PRKAG2: variants seen among roughly 807,000 people sequenced by gnomAD.
PRKAG2 encodes protein kinase AMP-activated non-catalytic subunit gamma 2, also known as 5'-AMP-activated protein kinase subunit gamma-2.
PRKAG2 carries 26 observed loss-of-function variants against 69.6 expected under a neutral mutation model. That is an observed-to-expected ratio of 0.37 (90% confidence interval 0.27 to 0.52). The LOEUF (loss-of-function observed/expected upper bound fraction) is 0.52. Ranked by LOEUF, PRKAG2 falls within the 20% of genes least tolerant of loss-of-function variation. The pLI, the probability that PRKAG2 is intolerant of heterozygous loss-of-function variation, is 0.90. For synonymous variants in PRKAG2, 293 were observed against 285.0 expected, an observed-to-expected ratio of 1.03 and a Z score of -0.28; for missense variants, 557 against 740.0, an observed-to-expected ratio of 0.75 and a Z score of 2.87.
At position 151,865,968 on chromosome 7, in the gene PRKAG2, G is replaced by C. The variant is rs185787606; in HGVS notation, c.114+10539C>G. ...CTGGGAGGCGGAGCTTGCAGTGAGC[G>C]GAGATCGCACCACTGCACTCCAGCT... On this transcript the variant is annotated intron_variant, in intron 1 of 15. Coordinates refer to ENST00000287878, the MANE Select transcript of PRKAG2 (RefSeq NM_016203.4). Among the ~76,000 whole-genome samples the C allele has an allele frequency of 5.3e-3, 800 of 150,888 alleles. 10 individuals carry two copies. The highest frequency in any genetic ancestry group is 0.017 in the African/African-American group (693 of 41,068).
At chr7:151,728,469 G>T (rs1464586182) in intron 3 of PRKAG2, among the ~76,000 whole-genome samples, 1 of 152,106 alleles carries the variant, frequency 6.6e-6, no homozygotes, top group Non-Finnish European at 1.5e-5. Flanking sequence ...AGCAGCAGGG[G>T]CTGGCCAGCA....
At chr7:151,733,835 A>G (rs1563551123) in intron 3 of PRKAG2, among the ~76,000 whole-genome samples, 3 of 152,076 alleles carry the variant, frequency 2.0e-5, no homozygotes, top group African/African-American at 4.8e-5. Flanking sequence ...AGCTGGGACC[A>G]TGGGTGTGCA....
At position 151,673,804 on chromosome 7, in the gene PRKAG2, T is replaced by C. The variant is rs140146193; in HGVS notation, c.684+1616A>G. On this transcript the variant is annotated intron_variant, in intron 4 of 15. Transcript: ENST00000287878. ...TGTAGATATAATCAGGTTAAGATGA[T>C]AGGGGTGGGCCCTCATCCAATGTAG... Among the ~76,000 whole-genome samples the C allele has an allele frequency of 5.7e-4, 86 of 151,524 alleles. 2 individuals are homozygous for C. In the East Asian group the frequency reaches 0.014, roughly 25 times the overall value.
At chr7:151,580,714 T>C (rs1270982756) in intron 6 of PRKAG2, among the ~76,000 whole-genome samples, 1 of 151,310 alleles carries the variant, frequency 6.6e-6, no homozygotes, top group African/African-American at 2.4e-5. Context: ...CATGTTCTCA[T>C]CCATTTGTGG....
At chr7:151,707,913 G>A (rs1278249867) in intron 3 of PRKAG2, among the ~76,000 whole-genome samples, 2 of 152,218 alleles carry the variant, frequency 1.3e-5, no homozygotes, top group East Asian at 1.9e-4. Context: ...GCCCAATAGC[G>A]AACATGGTGG....
intron 1 of PRKAG2, among the ~76,000 whole-genome samples, chr7:151,794,488 G>A (rs62478218): frequency 0.019 from 2,917 of 152,360 alleles, 60 homozygotes; most frequent in African/African-American, 0.052. Context: ...CCCTTCCCGC[G>A]GTGTGAGCCC....
At chr7:151,664,626 G>A (rs938570734) in intron 4 of PRKAG2, among the ~76,000 whole-genome samples, 1 of 152,192 alleles carries the variant, frequency 6.6e-6, no homozygotes, top group African/African-American at 2.4e-5. Context: ...TGGTTTCTTA[G>A]ACAAGAAATA....
At chr7:151,611,781 C>T (rs1424396386) in intron 5 of PRKAG2, among the ~76,000 whole-genome samples, 2 of 152,258 alleles carry the variant, frequency 1.3e-5, no homozygotes, top group African/African-American at 2.4e-5. Flanking sequence ...GGGCCGGGCA[C>T]GGTGGCCCAT....
At chr7:151,813,279 G>A (rs2078515481) in intron 1 of PRKAG2, among the ~76,000 whole-genome samples, 1 of 152,146 alleles carries the variant, frequency 6.6e-6, no homozygotes, top group African/African-American at 2.4e-5. Context: ...CGCCATCAAC[G>A]CTGGATTCCC....
chr7:151,713,391 A>G (rs1004891898), intron 3 of PRKAG2, among the ~76,000 whole-genome samples: 1 of 152,156 alleles, frequency 6.6e-6, no homozygotes, highest in Non-Finnish European at 1.5e-5. Flanking sequence ...GCTGTGAATC[A>G]GCGGTTTTTG....
rs148727197 is a variant in PRKAG2 at position 151,696,293 on chromosome 7, T to C, written c.467-20656A>G. ...GCCCGGGGCCTTCTCACAGCCATCG[T>C]GCAGCCGCCTGGGCAGCTCCCAGCT... On this transcript the variant is annotated intron_variant, in intron 3 of 15. Transcript: ENST00000287878. Among the ~76,000 whole-genome samples, 271 of 152,356 alleles carry C rather than the reference T, an allele frequency of 1.8e-3. 3 individuals are homozygous for C. Among genetic ancestry groups the C allele is most frequent in the African/African-American group, 6.0e-3 (250 of 41,582 alleles).
intron 4 of PRKAG2, among the ~76,000 whole-genome samples, chr7:151,670,124 T>TTGCATGCACACACACCTGTGCACACACC (rs1831767746): frequency 3.3e-5 from 4 of 120,562 alleles, no homozygotes; most frequent in African/African-American, 1.3e-4. Context: ...GCACACACAC[T>TTGCATGCACACACACCTGTGCACACACC]TGCATGCACA....
intron 3 of PRKAG2, among the ~76,000 whole-genome samples, chr7:151,737,554 C>T (rs534044044): frequency 3.3e-5 from 5 of 152,266 alleles, no homozygotes; most frequent in Admixed American, 2.0e-4. Flanking sequence ...GTTTCTTCAG[C>T]GGAATTGTTA....
chr7:151,684,917 T>C (rs1315999265), intron 3 of PRKAG2, among the ~76,000 whole-genome samples: 1 of 152,040 alleles, frequency 6.6e-6, no homozygotes, highest in African/African-American at 2.4e-5. Context: ...CGTAAGAAAT[T>C]GGAAAAAGCT....
intron 1 of PRKAG2, among the ~76,000 whole-genome samples, chr7:151,817,473 C>T (rs1444349274): frequency 2.0e-5 from 3 of 152,178 alleles, no homozygotes; most frequent in Non-Finnish European, 4.4e-5. Context: ...TCAGCATGGG[C>T]TGCCAGGCCC....
chr7:151,798,979 C>A (rs2077691737), intron 1 of PRKAG2, among the ~76,000 whole-genome samples: 1 of 152,184 alleles, frequency 6.6e-6, no homozygotes, highest in Non-Finnish European at 1.5e-5. Flanking sequence ...CATCCCCAGG[C>A]CACCGCTAGA....
chr7:151,834,526 C>T (rs1193188900), intron 1 of PRKAG2, among the ~76,000 whole-genome samples: 4 of 152,134 alleles, frequency 2.6e-5, no homozygotes, highest in Non-Finnish European at 4.4e-5. Flanking sequence ...GCACGGGTGT[C>T]CCTGTTTGCA....
Position 151,565,459 on chromosome 7 carries a change from C to T in PRKAG2, c.1400-76G>A, listed in dbSNP as rs1270001456. On this transcript the variant is annotated intron_variant, in intron 12 of 15. Transcript: ENST00000287878. The stretch of plus-strand genomic sequence containing the variant: ...ATTCATTTAAAATCAGTTTTAATGA[C>T]ATAATTACTAAAAGTTAAACACTGA... 7.3e-6 allele frequency: 8 copies of T among 1,103,100 alleles called. No homozygotes were observed. In the East Asian group the frequency reaches 1.3e-4, roughly 18 times the overall value. The allele number at this position is 1,103,100 out of a possible 1,614,324, so 68.3% of individuals were successfully genotyped here.
At chr7:151,665,167 C>G (rs1188701042) in intron 4 of PRKAG2, among the ~76,000 whole-genome samples, 1 of 152,086 alleles carries the variant, frequency 6.6e-6, no homozygotes. Flanking sequence ...GGGAGACTCT[C>G]AAAGAGAGGA....
Sources: allele counts gnomAD v4.1 joint callset (sites outside exome capture counted in the v4.1 genomes callset), GRCh38; gene constraint gnomAD v4.1.1; transcripts MANE v1.5; gene names NCBI Gene and HGNC (gene_info 2026-07-23, HGNC 2026-07-21).